Variants in DDX10 observed in about 807,000 individuals in gnomAD.
DDX10 encodes probable ATP-dependent RNA helicase DDX10.
Under a neutral mutation model 104.3 loss-of-function variants are expected in DDX10, and 74 were observed. The observed-to-expected ratio is 0.71, with a 90% confidence interval of 0.59 to 0.86. The LOEUF (loss-of-function observed/expected upper bound fraction) is 0.86, where lower values mean the gene tolerates loss of function less well. Ranked by LOEUF, DDX10 falls within the 40% of genes least tolerant of loss-of-function variation. The pLI is 0.00. For missense variants in DDX10, 952 were observed against 1,040.0 expected, an observed-to-expected ratio of 0.92 and a Z score of 1.16; for synonymous variants, 351 against 353.4, an observed-to-expected ratio of 0.99 and a Z score of 0.08.
At chr11:108,698,381 C>T (rs747325406) in intron 9 of DDX10, among the ~76,000 whole-genome samples, 1 of 152,188 alleles carries the variant, frequency 6.6e-6, no homozygotes, top group Non-Finnish European at 1.5e-5. Flanking sequence ...CTTTAGCTTA[C>T]ATTTGTGAAG....
intron 13 of DDX10, among the ~76,000 whole-genome samples, chr11:108,742,637 A>T (rs1183140026): frequency 6.6e-6 from 1 of 152,172 alleles, no homozygotes; most frequent in South Asian, 2.1e-4. Flanking sequence ...AAAGAACTAG[A>T]TTGATAGACT....
At chr11:108,826,664 C>T (rs1449383692) in intron 13 of DDX10, among the ~76,000 whole-genome samples, 1 of 152,166 alleles carries the variant, frequency 6.6e-6, no homozygotes, top group Non-Finnish European at 1.5e-5. Context: ...TCATATGCTG[C>T]CCAATTAGCG....
chr11:108,790,967 G>A (rs533381105), intron 13 of DDX10, among the ~76,000 whole-genome samples: 2 of 152,224 alleles, frequency 1.3e-5, no homozygotes, highest in Non-Finnish European at 2.9e-5. Context: ...TACTAAGATA[G>A]CGAGAAAAAT....
chr11:108,804,965 G>A (rs1862077199), intron 13 of DDX10, among the ~76,000 whole-genome samples: 1 of 152,152 alleles, frequency 6.6e-6, no homozygotes, highest in Non-Finnish European at 1.5e-5. Context: ...ACCATATTCT[G>A]TTTATTAGAA....
intron 9 of DDX10, among the ~76,000 whole-genome samples, chr11:108,698,422 T>C (rs1335521405): frequency 6.6e-6 from 1 of 152,244 alleles, no homozygotes; most frequent in Non-Finnish European, 1.5e-5. Flanking sequence ...AGATAGTGGC[T>C]GATGCTTCTT....
intron 1 of DDX10, among the ~76,000 whole-genome samples, chr11:108,669,272 A>T (rs1194050868): frequency 6.6e-6 from 1 of 151,748 alleles, no homozygotes; most frequent in Non-Finnish European, 1.5e-5. Context: ...TTTTTTGGTA[A>T]TTTTTGTAGA....
At chr11:108,830,970 A>T (rs968335186) in intron 13 of DDX10, among the ~76,000 whole-genome samples, 1 of 151,926 alleles carries the variant, frequency 6.6e-6, no homozygotes, top group Admixed American at 6.6e-5. Flanking sequence ...CTGAGGCATT[A>T]TACTTTGATA....
chr11:108,799,164 T>C (rs1460612693), intron 13 of DDX10, among the ~76,000 whole-genome samples: 1 of 152,254 alleles, frequency 6.6e-6, no homozygotes, highest in Non-Finnish European at 1.5e-5. Flanking sequence ...AGGAGAACTC[T>C]GATCACTTCA....
At chr11:108,917,086 G>C (rs1863760687) in intron 16 of DDX10, among the ~76,000 whole-genome samples, 1 of 151,432 alleles carries the variant, frequency 6.6e-6, no homozygotes, top group African/African-American at 2.4e-5. Flanking sequence ...GTTTTTAAGA[G>C]ATGGGATCTC....
chr11:108,785,217 G>A (rs1861774044), intron 13 of DDX10, among the ~76,000 whole-genome samples: 1 of 152,092 alleles, frequency 6.6e-6, no homozygotes, highest in Admixed American at 6.6e-5. Flanking sequence ...TGTTTACATG[G>A]CGAATCACAT....
At chr11:108,725,056 T>A (rs1032809336) in intron 13 of DDX10, among the ~76,000 whole-genome samples, 5 of 152,100 alleles carry the variant, frequency 3.3e-5, no homozygotes, top group African/African-American at 1.2e-4. Flanking sequence ...CCTGTAGTGT[T>A]GCATTTTTCA....
intron 7 of DDX10, chr11:108,690,143 A>G (rs991734099): frequency 6.6e-6 from 1 of 152,212 alleles, no homozygotes; most frequent in Non-Finnish European, 1.5e-5. Flanking sequence ...GCAACTTGGA[A>G]GTGTATCCTG....
At chr11:108,682,584 T>G (rs2094236967) in intron 6 of DDX10, among the ~76,000 whole-genome samples, 1 of 152,234 alleles carries the variant, frequency 6.6e-6, no homozygotes, top group African/African-American at 2.4e-5. Context: ...GACAGTTAAT[T>G]TAATTATTAT....
At chr11:108,666,701 T>G (rs975600386) in intron 1 of DDX10, among the ~76,000 whole-genome samples, 3 of 152,142 alleles carry the variant, frequency 2.0e-5, no homozygotes, top group African/African-American at 7.2e-5. Context: ...GTCTCTGCCT[T>G]CTCCTGTGTC....
At chr11:108,835,511 A>G (rs906109605) in intron 13 of DDX10, among the ~76,000 whole-genome samples, 3 of 152,250 alleles carry the variant, frequency 2.0e-5, no homozygotes, top group Non-Finnish European at 4.4e-5. Flanking sequence ...GGTTCTTGGC[A>G]TTTTGAACAA....
intron 16 of DDX10, among the ~76,000 whole-genome samples, chr11:108,888,549 C>T (rs1184057159): frequency 1.3e-5 from 2 of 152,066 alleles, no homozygotes; most frequent in African/African-American, 4.8e-5. Flanking sequence ...TCTATATATT[C>T]CCTGCCTAAC....
At chr11:108,750,964 T>TAG (rs1251338147) in intron 13 of DDX10, among the ~76,000 whole-genome samples, 3 of 100,902 alleles carry the variant, frequency 3.0e-5, no homozygotes, top group Non-Finnish European at 5.8e-5. Context: ...TTTTTTTTTT[T>TAG]AGAGATGGGC....
rs187376806 is a variant in DDX10 at position 108,717,013 on chromosome 11, A to G, written c.1410+1047A>G. 2.6e-5 allele frequency among the ~76,000 whole-genome samples: 4 copies of G among 152,258 alleles called. No homozygotes were observed. The East Asian group carries it at 7.7e-4, about 29-fold the overall frequency. On this transcript the variant is annotated intron_variant, in intron 11 of 17. Coordinates refer to ENST00000322536, the MANE Select transcript of DDX10 (RefSeq NM_004398.4). ...TTTCATTATGCTTTCCAATCTTTCTAATCTTTGAATTAACAGATATTTGAG... is the reference window on the plus strand; with the variant it reads ...TTTCATTATGCTTTCCAATCTTTCTGATCTTTGAATTAACAGATATTTGAG...
chr11:108,880,908 G>A (rs1474537591), intron 16 of DDX10, among the ~76,000 whole-genome samples: 1 of 152,042 alleles, frequency 6.6e-6, no homozygotes, highest in Non-Finnish European at 1.5e-5. Context: ...TTTTTATTTT[G>A]TAGCCTAAGG....
Sources: gnomAD v4.1 joint callset for allele counts (sites outside exome capture counted in the v4.1 genomes callset) on GRCh38, gnomAD v4.1.1 for gene constraint, MANE v1.5 for transcripts, NCBI Gene and HGNC (gene_info 2026-07-23, HGNC 2026-07-21) for gene names.